The following MGMT variants were observed in gnomAD, a reference collection of about 807,000 sequenced individuals.
MGMT encodes O-6-methylguanine-DNA methyltransferase.
MGMT carries 14 observed loss-of-function variants against 15.9 expected under a neutral mutation model. The observed-to-expected ratio is 0.88, with a 90% CI of 0.58 to 1.37. The LOEUF (loss-of-function observed/expected upper bound fraction) is 1.37. MGMT is among the 40% of genes most tolerant of loss of function. The pLI is 0.00. For synonymous variants in MGMT, 130 were observed against 118.2 expected, an observed-to-expected ratio of 1.10 and a Z score of -0.65; for missense variants, 282 against 268.1, an observed-to-expected ratio of 1.05 and a Z score of -0.36.
chr10:129,688,407 A>C (rs1459868235), intron 2 of MGMT, among the ~76,000 whole-genome samples: 4 of 152,160 alleles, frequency 2.6e-5, no homozygotes, highest in Admixed American at 2.0e-4. Context: ...ATGGTATCTC[A>C]TTGTGGTTTT....
intron 2 of MGMT, among the ~76,000 whole-genome samples, chr10:129,649,737 G>T (rs908745231): frequency 2.0e-5 from 3 of 152,200 alleles, no homozygotes; most frequent in Admixed American, 1.3e-4. Flanking sequence ...GTTGCTCCAA[G>T]AAGCAGTATT....
intron 2 of MGMT, among the ~76,000 whole-genome samples, chr10:129,590,197 C>T (rs1846666509): frequency 1.3e-5 from 2 of 152,206 alleles, no homozygotes; most frequent in East Asian, 1.9e-4. Context: ...TCAGATCTGT[C>T]TGTGGTCTTT....
At chr10:129,691,427 T>C (rs921840374) in intron 2 of MGMT, among the ~76,000 whole-genome samples, 1 of 152,192 alleles carries the variant, frequency 6.6e-6, no homozygotes, top group Admixed American at 6.5e-5. Flanking sequence ...CCAGGCAGTG[T>C]CCTGAAGCAG....
At chr10:129,481,938 G>C (rs1434349188) in intron 1 of MGMT, among the ~76,000 whole-genome samples, 1 of 151,954 alleles carries the variant, frequency 6.6e-6, no homozygotes, top group East Asian at 1.9e-4. Flanking sequence ...TTGCTTTCTT[G>C]TGCTTACTTT....
chr10:129,623,913 G>T (rs1454084570), intron 2 of MGMT, among the ~76,000 whole-genome samples: 2 of 152,210 alleles, frequency 1.3e-5, no homozygotes, highest in African/African-American at 2.4e-5. Context: ...CAACTTGAAC[G>T]CATGCCATTC....
At chr10:129,757,440 G>A (rs1334066584) in intron 3 of MGMT, among the ~76,000 whole-genome samples, 1 of 152,112 alleles carries the variant, frequency 6.6e-6, no homozygotes, top group African/African-American at 2.4e-5. Flanking sequence ...AAAGTTCCAG[G>A]CCGTTCTCCC....
At chr10:129,472,427 G>A (rs561962604) in intron 1 of MGMT, among the ~76,000 whole-genome samples, 47 of 152,080 alleles carry the variant, frequency 3.1e-4, no homozygotes, top group African/African-American at 6.0e-4. Flanking sequence ...TGAGTCTCAC[G>A]GAAGGATGAA....
intron 3 of MGMT, among the ~76,000 whole-genome samples, chr10:129,740,437 AGTT>A (rs1848618153): frequency 6.6e-6 from 1 of 152,186 alleles, no homozygotes; most frequent in Non-Finnish European, 1.5e-5. Flanking sequence ...ACTACCATGT[AGTT>A]AAGAATGCCT....
chr10:129,721,549 C>A (rs1848371433), intron 3 of MGMT, among the ~76,000 whole-genome samples: 2 of 152,082 alleles, frequency 1.3e-5, no homozygotes, highest in Non-Finnish European at 2.9e-5. Context: ...ATTAACTGTT[C>A]ATGATAAAGT....
chr10:129,653,555 C>T (rs1412392276), intron 2 of MGMT, among the ~76,000 whole-genome samples: 5 of 152,240 alleles, frequency 3.3e-5, no homozygotes, highest in Non-Finnish European at 7.3e-5. Flanking sequence ...CCTGCAAACC[C>T]GACCCTGATC....
chr10:129,604,616 G>C (rs1392590847), intron 2 of MGMT, among the ~76,000 whole-genome samples: 2 of 151,982 alleles, frequency 1.3e-5, no homozygotes, highest in East Asian at 3.9e-4. Flanking sequence ...CCACTCTCTT[G>C]GTGTGGGTAG....
chr10:129,520,236 G>T (rs920727290), intron 1 of MGMT, among the ~76,000 whole-genome samples: 2 of 152,160 alleles, frequency 1.3e-5, no homozygotes. Flanking sequence ...AATATTTCTG[G>T]CTCTGTGATG....
intron 1 of MGMT, among the ~76,000 whole-genome samples, chr10:129,512,408 A>G (rs1845693748): frequency 6.6e-6 from 1 of 152,198 alleles, no homozygotes; most frequent in African/African-American, 2.4e-5. Context: ...TGTCTCAACT[A>G]ATCTCACCAC....
At chr10:129,666,811 A>C (rs1279616430) in intron 2 of MGMT, among the ~76,000 whole-genome samples, 2 of 152,232 alleles carry the variant, frequency 1.3e-5, no homozygotes, top group Non-Finnish European at 2.9e-5. Context: ...TGCCTACCCA[A>C]CAGTTGTAGA....
At chr10:129,470,614 A>G (rs1230100590) in intron 1 of MGMT, among the ~76,000 whole-genome samples, 2 of 152,192 alleles carry the variant, frequency 1.3e-5, no homozygotes, top group African/African-American at 4.8e-5. Context: ...GAGTCCTGCC[A>G]AGGTGCTCGG....
intron 3 of MGMT, among the ~76,000 whole-genome samples, chr10:129,735,527 AT>A (rs970437636): frequency 6.6e-6 from 1 of 151,776 alleles, no homozygotes; most frequent in African/African-American, 2.4e-5. Context: ...GGATTCGTTA[AT>A]TTTTTGAAGG....
chr10:129,520,386 A>G (rs1345729157), intron 1 of MGMT, among the ~76,000 whole-genome samples: 1 of 152,150 alleles, frequency 6.6e-6, no homozygotes, highest in African/African-American at 2.4e-5. Context: ...CGTGTCCTAA[A>G]GCATCTCCTT....
Position 129,766,946 on chromosome 10 carries a change from G to A in MGMT, c.573G>A (p.Trp191Ter), listed in dbSNP as rs775022043. 5.6e-6 allele frequency: 9 copies of A among 1,612,452 alleles called. No homozygotes were observed. The highest frequency in any genetic ancestry group is 1.6e-4 in the Middle Eastern group (1 of 6,070). The change falls in exon 5 of 5, where the codon TGG becomes TGA. Residue 191 changes from tryptophan (W) to a stop codon, truncating the protein, a stop_gained. Transcript: ENST00000651593. LOFTEE classifies it low-confidence loss of function (END_TRUNC). ...GGAGCTCAGGTCTGGCAGGGGCCTGGCTCAAGGGAGCGGGAGCTACCTCGG... is the reference window on the plus strand; with the variant it reads ...GGAGCTCAGGTCTGGCAGGGGCCTGACTCAAGGGAGCGGGAGCTACCTCGG... ...LGGSSGLAGA[W>*]LKGAGATSGS... is the part of the protein sequence containing the mutation.
At chr10:129,620,061 G>A (rs148295035) in intron 2 of MGMT, among the ~76,000 whole-genome samples, 163 of 152,310 alleles carry the variant, frequency 1.1e-3, no homozygotes, top group African/African-American at 3.8e-3. Flanking sequence ...CAGGCTGTGT[G>A]TCTTTGGAGG....
Sources: gnomAD v4.1 joint callset for allele counts (sites outside exome capture counted in the v4.1 genomes callset) on GRCh38, gnomAD v4.1.1 for gene constraint, MANE v1.5 for transcripts, NCBI Gene and HGNC (gene_info 2026-07-23, HGNC 2026-07-21) for gene names.